The following PAX1 variants were observed in gnomAD, a reference collection of about 807,000 sequenced individuals.
PAX1 encodes paired box 1, also known as paired box protein Pax-1.
PAX1 carries 18 observed loss-of-function variants against 35.6 expected under a neutral mutation model. The ratio of observed to expected loss-of-function variants is 0.50; its 90% CI spans 0.35 to 0.75. The LOEUF is 0.75. Ranked by LOEUF, PAX1 falls within the 30% of genes least tolerant of loss-of-function variation. PAX1 has a pLI of 0.01. For missense variants in PAX1, 760 were observed against 661.5 expected, an observed-to-expected ratio of 1.15 and a Z score of -1.63; for synonymous variants, 397 against 305.2, an observed-to-expected ratio of 1.30 and a Z score of -3.14.
In PAX1 at chr20:21,706,933, C is replaced by T. The variant is rs1229986699; in HGVS notation, c.782C>T (p.Ser261Leu). The change falls in exon 2 of 5, where the codon TCG becomes TTG. Residue 261 changes from serine to leucine, a missense_variant. This residue lies in a region of PAX1 where 490 missense variants were observed against 428.4 expected (regional missense o/e 1.14). Coordinates refer to ENST00000613128, the MANE Select transcript of PAX1 (RefSeq NM_001257096.2). This position sits in a 1 kb window ranked among gnomAD's most constrained non-coding sequence, Gnocchi z 5.3. ...CAGTACCCCTACCCCAGTCCCGTGT[C>T]GCCCACGGGCGCCAAGATGGGCAGC... The part of the protein sequence containing the change: ...IYQYPYPSPV[S>L]PTGAKMGSHP... 1.2e-6 allele frequency: 2 copies of T among 1,612,524 alleles called. No homozygotes were observed. The highest frequency in any genetic ancestry group is 2.2e-5 in the South Asian group (2 of 91,040).
chr20:21,709,591 A>G, intron 4 of PAX1, 147 bp downstream of exon 4: 1 of 638,182 alleles, frequency 1.6e-6, no homozygotes, highest in Non-Finnish European at 2.6e-6. Context: ...ACCTTTGAGC[A>G]TGTAGCTTCT....
rs1263882309 is a variant in PAX1, at chr20:21,718,065, G to A, written c.*3503G>A. On this transcript the variant is annotated 3_prime_UTR_variant, in exon 5 of 5. Coordinates refer to ENST00000613128, the MANE Select transcript of PAX1 (RefSeq NM_001257096.2). The stretch of plus-strand genomic sequence containing the variant: ...GCTCCAATGTACCCACTTTATTCTC[G>A]TGAATGGATGTCTATTACCGAGGAT... The A allele has an allele frequency of 1.3e-5, 2 of 152,164 alleles. No individual in the cohort carries two copies. The highest frequency in any genetic ancestry group is 2.9e-5 in the Non-Finnish European group (2 of 68,048). The allele number at this position is 152,164 out of a possible 1,614,324, so 9.4% of individuals were successfully genotyped here.
chr20:21,709,431 T>A lies in PAX1; in HGVS notation c.1269T>A (p.His423Gln). ...GELAAAMTFKHPSREVADRKP... is the reference protein window; with the variant it reads ...GELAAAMTFKQPSREVADRKP... Reference sequence around the variant, plus strand: ...TCGCGGCAGCAATGACCTTCAAGCATCCCAGCCGAGAAGGTGAGGAGCGCA... The same window carrying A: ...TCGCGGCAGCAATGACCTTCAAGCAACCCAGCCGAGAAGGTGAGGAGCGCA... The change falls in exon 4 of 5, where the codon CAT (histidine) becomes CAA (glutamine). Residue 423 changes from histidine (H) to glutamine (Q), a missense_variant. His to Gln is a conservative substitution (Grantham distance 24). Around this residue, in one of 3 missense-constraint regions of PAX1, gnomAD observed 490 missense variants for 428.4 expected, o/e 1.14. Coordinates refer to ENST00000613128, the MANE Select transcript of PAX1 (RefSeq NM_001257096.2). 6.5e-7 allele frequency: 1 copy of A among 1,530,038 alleles called. No individual in the cohort carries two copies. The highest frequency in any genetic ancestry group is 2.0e-5 in the Admixed American group (1 of 49,154). 94.8% of individuals were successfully genotyped at this position (1,530,038 alleles called of 1,614,324 possible).
In PAX1 at chr20:21,714,429, G is replaced by C. The variant is rs138316800; in HGVS notation, c.1283-42G>C. 4.1e-4 allele frequency: 591 copies of C among 1,456,252 alleles called. 7 individuals are homozygous for C. The South Asian group carries it at 5.2e-3, about 13-fold the overall frequency. 90.2% of individuals were successfully genotyped at this position (1,456,252 alleles called of 1,614,324 possible). On this transcript the variant is annotated intron_variant, in intron 4 of 4. Transcript: ENST00000613128. ...GTCCCAGTGCCTCTCGCACTGCGCG[G>C]CGCTAGGTAGTGATCCGACGCCTCT...
chr20:21,714,577 G>T lies in PAX1; in HGVS notation c.*15G>T, dbSNP rs762247909. ...CGACCTCCTAGGGGCAGCTCTCCCC[G>T]GACCCGAGCCCGGAGGGAACGGCAG... On this transcript the variant is annotated 3_prime_UTR_variant, in exon 5 of 5. Coordinates refer to ENST00000613128, the MANE Select transcript of PAX1 (RefSeq NM_001257096.2). 5.2e-5 allele frequency: 82 copies of T among 1,580,724 alleles called. No homozygotes were observed. Among genetic ancestry groups the T allele is most frequent in the Middle Eastern group, 5.0e-4 (3 of 6,036 alleles).
Position 21,705,752 on chromosome 20 carries a change from G to C in PAX1, c.40G>C (p.Val14Leu), listed in dbSNP as rs968261845. The C allele has an allele frequency of 8.0e-7, 1 of 1,257,706 alleles. No individual in the cohort carries two copies. The highest frequency in any genetic ancestry group is 1.0e-6 in the Non-Finnish European group (1 of 998,378). The allele number at this position is 1,257,706 out of a possible 1,614,324, so 77.9% of individuals were successfully genotyped here. ...TLGLGSRAWR[V>L]SWEGAAAAAA... ...GGGCCTGGGGTCGCGGGCGTGGAGA[G>C]TGTCCTGGGAGGGGGCAGCAGCGGC... is the stretch of plus-strand genomic sequence containing the variant. Residue 14 changes from valine (V) to leucine (L), a missense_variant, in exon 1 of 5, where the codon GTG becomes CTG. Physicochemically the swap from Val to Leu is conservative, Grantham distance 32. Transcript: ENST00000613128.
intron 3 of PAX1, among the ~76,000 whole-genome samples, 170 bp from the exon 4 acceptor site, chr20:21,709,052 T>C (rs1363671948): frequency 1.3e-5 from 2 of 152,174 alleles, no homozygotes; most frequent in Non-Finnish European, 2.9e-5. Flanking sequence ...AGAAATCACT[T>C]TGCCAAAGAG....
At chr20:21,708,438 C>A in intron 2 of PAX1, 120 bp from the exon 3 acceptor site, 1 of 1,131,776 alleles carries the variant, frequency 8.8e-7, no homozygotes, top group Non-Finnish European at 1.3e-6. Flanking sequence ...GAGTGTCAGG[C>A]CACCTACAAA....
At chr20:21,712,803 C>T (rs530196679) in intron 4 of PAX1, among the ~76,000 whole-genome samples, 47 of 152,332 alleles carry the variant, frequency 3.1e-4, no homozygotes, top group African/African-American at 1.1e-3. Context: ...CTGGCAACCC[C>T]GGCCTCCGTT....
Position 21,706,366 on chromosome 20 carries a change from C to T in PAX1, c.287-72C>T, listed in dbSNP as rs1262119755. On this transcript the variant is annotated intron_variant, in intron 1 of 4. Transcript: ENST00000613128. The surrounding 1 kb of genome is among the most constrained non-coding windows in gnomAD (Gnocchi z 5.3). ...CGCCTGGGTGCAGTCCCTCGCTCCG[C>T]GTGGGGACCCTTGGCTAACCCGCCG... The T allele has an allele frequency of 1.9e-6, 3 of 1,580,630 alleles. No individual in the cohort carries two copies. The highest frequency in any genetic ancestry group is 2.6e-6 in the Non-Finnish European group (3 of 1,159,766).
Position 21,705,916 on chromosome 20 carries a change from A to G in PAX1, c.204A>G (p.Gln68=), listed in dbSNP as rs908632621. ...LCLSRGGGGA[Q]ALPDCAGPSP... is the part of the protein sequence containing the mutation. Reference sequence around the variant, plus strand: ...TCTCACGCGGCGGCGGCGGCGCCCAAGCTCTCCCGGACTGCGCCGGGCCCA... The same window carrying G: ...TCTCACGCGGCGGCGGCGGCGCCCAGGCTCTCCCGGACTGCGCCGGGCCCA... Residue 68 remains glutamine (Q), a synonymous_variant, in exon 1 of 5, where the codon CAA becomes CAG. Transcript: ENST00000613128. 1 of 1,412,298 alleles carries G rather than the reference A, an allele frequency of 7.1e-7. No individual in the cohort carries two copies. The allele number at this position is 1,412,298 out of a possible 1,614,324, so 87.5% of individuals were successfully genotyped here.
chr20:21,714,741 C>T lies in PAX1; in HGVS notation c.*179C>T, dbSNP rs1484234532. The T allele has an allele frequency of 6.2e-7, 1 of 1,603,836 alleles. No individual in the cohort carries two copies. ...CCCCCAGGCCCAGCCCTGCCTCTGG[C>T]CGGACCCACCACACTTCCTTTATTG... On this transcript the variant is annotated 3_prime_UTR_variant, in exon 5 of 5. Transcript: ENST00000613128.
rs1207423540 is a variant in PAX1 at position 21,709,453 on chromosome 20, C to A, written c.1282+9C>A. 1.3e-6 allele frequency: 2 copies of A among 1,512,310 alleles called. No individual in the cohort carries two copies. The highest frequency in any genetic ancestry group is 1.8e-6 in the Non-Finnish European group (2 of 1,133,880). The allele number at this position is 1,512,310 out of a possible 1,614,324, so 93.7% of individuals were successfully genotyped here. ...GCATCCCAGCCGAGAAGGTGAGGAG[C>A]GCAGGGAGTGGGGCGGGTGGATGCT... On this transcript the variant is annotated intron_variant, in intron 4 of 4. Coordinates refer to ENST00000613128, the MANE Select transcript of PAX1 (RefSeq NM_001257096.2).
chr20:21,709,495 G>T (rs1226992191), intron 4 of PAX1, 51 bp downstream of exon 4: 1 of 1,362,112 alleles, frequency 7.3e-7, no homozygotes, highest in Non-Finnish European at 9.8e-7. Flanking sequence ...GTTAGGAAGG[G>T]TACTGGGGAG....
chr20:21,707,568 T>C, intron 2 of PAX1, among the ~76,000 whole-genome samples: 1 of 152,116 alleles, frequency 6.6e-6, no homozygotes, highest in Middle Eastern at 3.2e-3. Context: ...GAGTTTGCGG[T>C]GATGGCTGGT....
intron 3 of PAX1, 148 bp from the exon 4 acceptor site, chr20:21,709,073 GA>G (rs1255674729): frequency 1.3e-6 from 1 of 748,678 alleles, no homozygotes; most frequent in East Asian, 2.5e-5. Context: ...TCCTGACTAG[GA>G]AATTTAGAGG....
rs1472783232 is a variant in PAX1 at position 21,708,632 on chromosome 20, T to C, written c.991T>C (p.Phe331Leu). The change falls in exon 3 of 5, where the codon TTC becomes CTC. Residue 331 changes from phenylalanine (F) to leucine (L), a missense_variant. By Grantham distance (22) the Phe-to-Leu change is conservative (BLOSUM62 0). Around this residue, in one of 3 missense-constraint regions of PAX1, gnomAD observed 490 missense variants for 428.4 expected, o/e 1.14. Transcript: ENST00000613128. The part of the protein sequence containing the change: ...EDWAGVNRTA[F>L]PATPAVNGLE... ...CTGGGCCGGCGTGAACCGCACGGCC[T>C]TCCCCGCCACCCCCGCAGTGAATGG... 1.9e-6 allele frequency: 3 copies of C among 1,613,400 alleles called. No individual in the cohort carries two copies. The Admixed American group carries it at 5.0e-5, about 27-fold the overall frequency.
chr20:21,707,131 A>T, intron 2 of PAX1, 64 bp downstream of exon 2: 3 of 1,594,122 alleles, frequency 1.9e-6, no homozygotes, highest in Non-Finnish European at 2.6e-6. Context: ...GCAGGCTTGC[A>T]GGAGAGGACT....
At chr20:21,708,920 A>G (rs1021299477) in intron 3 of PAX1, among the ~76,000 whole-genome samples, 3 of 152,220 alleles carry the variant, frequency 2.0e-5, no homozygotes, top group Non-Finnish European at 4.4e-5. Context: ...AAGATAGCTT[A>G]GCTAAAAAAA....
Sources: allele counts gnomAD v4.1 joint callset (sites outside exome capture counted in the v4.1 genomes callset), GRCh38; gene constraint gnomAD v4.1.1; regional missense constraint gnomAD v4.1.1; non-coding constraint Gnocchi (gnomAD v3.1); transcripts MANE v1.5; gene names NCBI Gene and HGNC (gene_info 2026-07-23, HGNC 2026-07-21).